IL1RAPL1: variants seen among roughly 807,000 people sequenced by gnomAD.
IL1RAPL1 encodes interleukin 1 receptor accessory protein like 1.
IL1RAPL1 carries 3 observed loss-of-function variants against 48.4 expected under a neutral mutation model. The observed-to-expected ratio is 0.06, with a 90% CI of 0.03 to 0.16. The LOEUF is 0.16. Among genes scored for constraint, IL1RAPL1 ranks in the 10% least tolerant of loss-of-function variants. The pLI is 1.00. For synonymous variants in IL1RAPL1, 185 were observed against 187.7 expected, an observed-to-expected ratio of 0.99 and a Z score of 0.12; for missense variants, 349 against 530.6, an observed-to-expected ratio of 0.66 and a Z score of 3.36.
intron 6 of IL1RAPL1, among the ~76,000 whole-genome samples, chrX:29,682,973 A>G (rs1326515623): frequency 8.9e-6 from 1 of 112,190 alleles, no homozygotes; most frequent in East Asian, 2.8e-4. Context: ...GAAGGTCACA[A>G]CAGAGCAGTA....
intron 2 of IL1RAPL1, among the ~76,000 whole-genome samples, chrX:28,962,573 A>G (rs1426853576): frequency 2.7e-5 from 3 of 111,150 alleles, no homozygotes; most frequent in Admixed American, 9.7e-5. Context: ...TTCTACATCC[A>G]TGTATTAACC....
intron 6 of IL1RAPL1, among the ~76,000 whole-genome samples, chrX:29,885,458 G>C (rs1932135711): frequency 9.0e-6 from 1 of 111,535 alleles, no homozygotes; most frequent in Non-Finnish European, 1.9e-5. Flanking sequence ...TACATCCCAA[G>C]CACTGAGAGT....
intron 6 of IL1RAPL1, among the ~76,000 whole-genome samples, chrX:29,700,892 G>T (rs1003559572): frequency 9.0e-6 from 1 of 111,668 alleles, no homozygotes; most frequent in African/African-American, 3.3e-5. Context: ...TGAACTTTTG[G>T]TAAGACGGAA....
chrX:29,030,932 C>A (rs1271644959), intron 2 of IL1RAPL1, among the ~76,000 whole-genome samples: 1 of 111,666 alleles, frequency 9.0e-6, no homozygotes, highest in Non-Finnish European at 1.9e-5. Flanking sequence ...TATTTCCCCC[C>A]CATTTCTTCA....
chrX:29,748,470 A>G (rs1287315759), intron 6 of IL1RAPL1, among the ~76,000 whole-genome samples: 1 of 112,878 alleles, frequency 8.9e-6, no homozygotes, highest in Non-Finnish European at 1.9e-5. Context: ...ATCTAATCTT[A>G]ACTGAGTAAT....
Position 28,614,754 on chromosome X carries a change from T to A in IL1RAPL1, c.-25+26707T>A, listed in dbSNP as rs181073036. ...TGCTTCGAATATTGACCTCCCTAAG[T>A]TACATTTCAATGCCAGTTGTACAAT... On this transcript the variant is annotated intron_variant, in intron 1 of 10. Transcript: ENST00000378993. Among the ~76,000 whole-genome samples, 67 of 112,246 alleles carry A rather than the reference T, an allele frequency of 6.0e-4. 1 individual carries two copies. The highest frequency in any genetic ancestry group is 2.1e-3 in the African/African-American group (64 of 30,929).
At position 29,294,547 on chromosome X, in the gene IL1RAPL1, A is replaced by C. The variant is rs1354467014; in HGVS notation, c.362+11330A>C. Among the ~76,000 whole-genome samples the C allele has an allele frequency of 1.1e-4, 12 of 110,399 alleles. No individual in the cohort carries two copies. In the Admixed American group the frequency reaches 1.2e-3, roughly 11 times the overall value. On this transcript the variant is annotated intron_variant, in intron 3 of 10. Coordinates refer to ENST00000378993, the MANE Select transcript of IL1RAPL1 (RefSeq NM_014271.4). ...AAAAAAAAAAAAGTAAAATTGTAAA[A>C]AATTTTAGATTTTTCAAGCCATATA...
At chrX:29,209,370 G>T (rs1930727109) in intron 2 of IL1RAPL1, among the ~76,000 whole-genome samples, 1 of 111,730 alleles carries the variant, frequency 9.0e-6, no homozygotes, top group African/African-American at 3.3e-5. Context: ...AATACATTCT[G>T]TTAGATATTT....
chrX:29,861,248 A>G lies in IL1RAPL1; in HGVS notation c.779-56216A>G, dbSNP rs1045116740. Among the ~76,000 whole-genome samples the G allele has an allele frequency of 8.0e-5, 9 of 111,861 alleles. No homozygotes were observed. In the East Asian group the frequency reaches 2.5e-3, roughly 32 times the overall value. On this transcript the variant is annotated intron_variant, in intron 6 of 10. Transcript: ENST00000378993. ...GACTTTGTTGCCTCTTTTCTTCTTC[A>G]TCTTAGGAATAGGATATCAATATTT...
At chrX:28,963,517 T>G (rs1214515271) in intron 2 of IL1RAPL1, among the ~76,000 whole-genome samples, 2 of 111,252 alleles carry the variant, frequency 1.8e-5, no homozygotes, top group African/African-American at 6.5e-5. Context: ...GAAGTTAAAA[T>G]TAATGAAAAT....
At chrX:29,748,981 AAGAAT>A (rs1928397157) in intron 6 of IL1RAPL1, among the ~76,000 whole-genome samples, 1 of 112,852 alleles carries the variant, frequency 8.9e-6, no homozygotes, top group Non-Finnish European at 1.9e-5. Context: ...CATTTAAAGA[AAGAAT>A]AGAAAGAGAA....
intron 2 of IL1RAPL1, among the ~76,000 whole-genome samples, chrX:28,937,343 T>C (rs1387120312): frequency 1.8e-5 from 2 of 110,941 alleles, no homozygotes; most frequent in Non-Finnish European, 3.8e-5. Context: ...CCTTAGGCTG[T>C]GAGAGTGACC....
chrX:29,525,673 T>C (rs1471827226), intron 5 of IL1RAPL1, among the ~76,000 whole-genome samples: 2 of 112,223 alleles, frequency 1.8e-5, no homozygotes, highest in Non-Finnish European at 3.8e-5. Flanking sequence ...TTAGAAGTCA[T>C]CTGCTGATGT....
chrX:29,662,467 A>G (rs1385680504), intron 5 of IL1RAPL1, among the ~76,000 whole-genome samples: 5 of 112,042 alleles, frequency 4.5e-5, no homozygotes, highest in African/African-American at 1.6e-4. Flanking sequence ...TTATATGATT[A>G]TTTTGCATCT....
intron 2 of IL1RAPL1, among the ~76,000 whole-genome samples, chrX:29,230,329 G>T (rs140631897): frequency 1.2e-4 from 13 of 108,132 alleles, no homozygotes; most frequent in African/African-American, 4.4e-4. Flanking sequence ...GCATACTGAA[G>T]CTTCATATTG....
At chrX:29,175,651 C>T (rs1929999581) in intron 2 of IL1RAPL1, among the ~76,000 whole-genome samples, 1 of 108,664 alleles carries the variant, frequency 9.2e-6, no homozygotes, top group African/African-American at 3.4e-5. Context: ...TTGAGACCAG[C>T]CTGGCCAACA....
chrX:28,660,946 C>A (rs2146909198), intron 1 of IL1RAPL1, among the ~76,000 whole-genome samples: 1 of 111,486 alleles, frequency 9.0e-6, no homozygotes, highest in South Asian at 3.8e-4. Context: ...ATGGGCCAGA[C>A]CTAAATGTAC....
intron 5 of IL1RAPL1, among the ~76,000 whole-genome samples, chrX:29,561,717 A>T (rs1364747387): frequency 9.0e-6 from 1 of 111,451 alleles, no homozygotes; most frequent in Non-Finnish European, 1.9e-5. Flanking sequence ...GTAATCGTGG[A>T]TCATTTTTTT....
At chrX:29,466,558 T>C (rs1190219306) in intron 5 of IL1RAPL1, among the ~76,000 whole-genome samples, 1 of 111,014 alleles carries the variant, frequency 9.0e-6, no homozygotes, top group Non-Finnish European at 1.9e-5. Flanking sequence ...TGTTTTTACT[T>C]ATGCAATTTC....
Sources: allele counts gnomAD v4.1 joint callset (sites outside exome capture counted in the v4.1 genomes callset), GRCh38; gene constraint gnomAD v4.1.1; transcripts MANE v1.5; gene names NCBI Gene and HGNC (gene_info 2026-07-23, HGNC 2026-07-21).